The following PIK3R3 variants were observed in gnomAD, a reference collection of about 807,000 sequenced individuals.
The protein encoded by PIK3R3 is phosphatidylinositol 3-kinase regulatory subunit gamma.
In PIK3R3, 64 loss-of-function variants were observed where a neutral mutation model predicts 62.9. The observed-to-expected ratio is 1.02, with a 90% CI of 0.83 to 1.25. The LOEUF is 1.25. Among genes scored for constraint, PIK3R3 ranks in the 50% most tolerant of loss-of-function variants. The pLI, the probability that PIK3R3 is intolerant of heterozygous loss-of-function variation, is 0.00. For missense variants in PIK3R3, 614 were observed against 561.6 expected (o/e 1.09, Z -0.94); for synonymous variants, 165 against 189.0 (o/e 0.87, Z 1.04).
the PIK3R3 span, among the ~76,000 whole-genome samples, chr1:46,156,557 G>A: frequency 1.3e-5 from 2 of 151,958 alleles, no homozygotes; most frequent in African/African-American, 4.8e-5. Flanking sequence ...AGACATCTGT[G>A]GTGAAGTAGC....
In PIK3R3 at chr1:46,042,716, T is replaced by C; in HGVS notation, c.*957A>G. 9.5e-6 allele frequency: 2 copies of C among 209,432 alleles called. No homozygotes were observed. Among genetic ancestry groups the C allele is most frequent in the East Asian group, 1.4e-4 (2 of 13,832 alleles). 13.0% of individuals were successfully genotyped at this position (209,432 alleles called of 1,614,324 possible). A position where few individuals can be genotyped will look rare whatever the true frequency, so the allele number is the denominator to read the frequency against. Reference sequence around the variant, plus strand: ...CTGCATTGCACCTTTTCTTTACTCATACAAACAAGTTACAAAGGTTTCAAA... The same window carrying C: ...CTGCATTGCACCTTTTCTTTACTCACACAAACAAGTTACAAAGGTTTCAAA... On this transcript the variant is annotated 3_prime_UTR_variant, in exon 10 of 10. Transcript: ENST00000262741. The surrounding 1 kb of genome is among the most constrained non-coding windows in gnomAD (Gnocchi z 4.3).
chr1:46,138,634 G>C, the PIK3R3 span, among the ~76,000 whole-genome samples: 2 of 152,236 alleles, frequency 1.3e-5, no homozygotes, highest in Non-Finnish European at 2.9e-5. Context: ...CTCCCAGCCT[G>C]GGCACAGAGT....
At position 46,101,271 on chromosome 1, in the gene PIK3R3, G is replaced by A. The variant is rs144404603; in HGVS notation, c.107-20521C>T. Among the ~76,000 whole-genome samples the A allele has an allele frequency of 7.5e-3, 1,133 of 152,062 alleles. 18 individuals carry two copies. The highest frequency in any genetic ancestry group is 0.026 in the African/African-American group (1,069 of 41,462). On this transcript the variant is annotated intron_variant, in intron 1 of 9. Transcript: ENST00000262741. Reference sequence around the variant, plus strand: ...AGCACTTTGGGAGGCTGAGGTGGGCGGATCACAAGGTCAAGAGATGGAGAC... The same window carrying A: ...AGCACTTTGGGAGGCTGAGGTGGGCAGATCACAAGGTCAAGAGATGGAGAC...
rs555699766 is a variant in PIK3R3, at chr1:46,100,034, C to T, written c.107-19284G>A. Among the ~76,000 whole-genome samples, 8 of 152,238 alleles carry T rather than the reference C, an allele frequency of 5.3e-5. No individual in the cohort carries two copies. The South Asian group carries it at 6.2e-4, about 12-fold the overall frequency. On this transcript the variant is annotated intron_variant, in intron 1 of 9. Transcript: ENST00000262741. Reference sequence around the variant, plus strand: ...TATTATTACTGGTTGGTAAAATATTCTTCATATATCCTGATTATTAATCCT... The same window carrying T: ...TATTATTACTGGTTGGTAAAATATTTTTCATATATCCTGATTATTAATCCT...
chr1:46,132,951 C>T (rs1655758171), upstream of PIK3R3: 27 of 1,138,854 alleles, frequency 2.4e-5, no homozygotes, highest in Non-Finnish European at 3.0e-5. Flanking sequence ...CTCCAGGAGT[C>T]AGTGCCGGGA....
chr1:46,134,300 C>T (rs79588089), upstream of PIK3R3, among the ~76,000 whole-genome samples: 1,805 of 152,252 alleles, frequency 0.012, 30 homozygotes, highest in African/African-American at 0.038. Context: ...TTCTGCCTTC[C>T]TTAAAGATGC....
intron 6 of PIK3R3, 34 bp downstream of exon 6, chr1:46,061,895 C>T (rs745618630): frequency 6.3e-7 from 1 of 1,590,478 alleles, no homozygotes; most frequent in Non-Finnish European, 8.6e-7. Flanking sequence ...AATCCTGTCT[C>T]ACTGATGCCC....
rs1411612477 is a variant in PIK3R3 at position 46,062,055 on chromosome 1, C to G, written c.638G>C (p.Arg213Thr). Residue 213 changes from arginine (R) to threonine (T), a missense_variant, in exon 6 of 10, where the codon AGG becomes ACG. Coordinates refer to ENST00000262741, the MANE Select transcript of PIK3R3 (RefSeq NM_003629.4). The stretch of plus-strand genomic sequence containing the variant: ...TTCATTAAAAGCTTCTATTGCAGTC[C>G]TCTTCATCTGTATTTCCTACAGGAG... ...TRTSQEIQMK[R>T]TAIEAFNETI... 2 of 1,609,232 alleles carry G rather than the reference C, an allele frequency of 1.2e-6. No individual in the cohort carries two copies. The highest frequency in any genetic ancestry group is 1.7e-5 in the Admixed American group (1 of 59,280).
the PIK3R3 span, among the ~76,000 whole-genome samples, chr1:46,155,789 A>C: frequency 1.3e-5 from 2 of 152,058 alleles, no homozygotes; most frequent in Non-Finnish European, 2.9e-5. Flanking sequence ...TTTAATTGTT[A>C]TGGGTACATC....
chr1:46,144,896 G>A, the PIK3R3 span, among the ~76,000 whole-genome samples: 4 of 152,102 alleles, frequency 2.6e-5, no homozygotes, highest in East Asian at 5.8e-4. Flanking sequence ...AGGCTGAGGC[G>A]GGTAGATCAC....
chr1:46,115,283 G>A (rs1654090038), intron 1 of PIK3R3, among the ~76,000 whole-genome samples: 1 of 152,214 alleles, frequency 6.6e-6, no homozygotes, highest in Admixed American at 6.5e-5. Context: ...ATAAGCGTAT[G>A]TAATTCAAAT....
intron 7 of PIK3R3, among the ~76,000 whole-genome samples, chr1:46,054,528 G>A (rs961735505): frequency 2.0e-5 from 3 of 151,480 alleles, no homozygotes; most frequent in Non-Finnish European, 4.4e-5. Flanking sequence ...GAAGTCTATG[G>A]AAAACCCAGA....
Position 46,047,368 on chromosome 1 carries a change from G to T in PIK3R3, c.942-743C>A, listed in dbSNP as rs182664877. Among the ~76,000 whole-genome samples, 307 of 151,054 alleles carry T rather than the reference G, an allele frequency of 2.0e-3. 1 individual carries two copies. The highest frequency in any genetic ancestry group is 6.6e-3 in the African/African-American group (270 of 41,098). On this transcript the variant is annotated intron_variant, in intron 7 of 9. Coordinates refer to ENST00000262741, the MANE Select transcript of PIK3R3 (RefSeq NM_003629.4). ...CAGGAGAATTGCTTGAAACCAGGGG[G>T]TGGAGGCTGTAGTGAGCTGAGATTG...
At chr1:46,082,166 T>C (rs982548053) in intron 1 of PIK3R3, among the ~76,000 whole-genome samples, 2 of 152,030 alleles carry the variant, frequency 1.3e-5, no homozygotes, top group Non-Finnish European at 2.9e-5. Context: ...ATATTAGAAA[T>C]AATGGCAAAA....
In PIK3R3 at chr1:46,040,821, T is replaced by C. The variant is rs533715133; in HGVS notation, c.*2852A>G. The C allele has an allele frequency of 1.1e-5, 2 of 184,412 alleles. No individual in the cohort carries two copies. The highest frequency in any genetic ancestry group is 6.2e-5 in the Admixed American group (1 of 16,048). The allele number at this position is 184,412 out of a possible 1,614,324, so 11.4% of individuals were successfully genotyped here. On this transcript the variant is annotated 3_prime_UTR_variant, in exon 10 of 10. Transcript: ENST00000262741. ...TCAAGGCTTGGAGAGGGAGTGAAAGTGTTGGGAGGGCCTCATTCTTGGCCA... is the reference window on the plus strand; with the variant it reads ...TCAAGGCTTGGAGAGGGAGTGAAAGCGTTGGGAGGGCCTCATTCTTGGCCA...
In PIK3R3 at chr1:46,126,451, T is replaced by C. The variant is rs548391613; in HGVS notation, c.106+5396A>G. ...TACTCAGGTGGCTGAGGCAGGAGAA[T>C]TGCATGAGCCTGGGAGATGGAGGTT... is the stretch of plus-strand genomic sequence containing the variant. On this transcript the variant is annotated intron_variant, in intron 1 of 9. Coordinates refer to ENST00000262741, the MANE Select transcript of PIK3R3 (RefSeq NM_003629.4). Among the ~76,000 whole-genome samples, 3 of 151,782 alleles carry C rather than the reference T, an allele frequency of 2.0e-5. No individual in the cohort carries two copies. The South Asian group carries it at 6.3e-4, about 32-fold the overall frequency.
Position 46,071,712 on chromosome 1 carries a change from A to AAT in PIK3R3, c.315-4623_315-4622dup, listed in dbSNP as rs1553148027. Among the ~76,000 whole-genome samples the AAT allele has an allele frequency of 9.2e-3, 225 of 24,536 alleles. 10 individuals are homozygous for AAT. Among genetic ancestry groups the AAT allele is most frequent in the Middle Eastern group, 0.033 (1 of 30 alleles). The allele number at this position is 24,536 out of a possible 152,430, so 16.1% of individuals were successfully genotyped here. A position where few individuals can be genotyped will look rare whatever the true frequency, so the allele number is the denominator to read the frequency against. On this transcript the variant is annotated intron_variant, in intron 3 of 9. Transcript: ENST00000262741. ...CTCTGTCTCCAAAAAAAAAAAAAAA[A>AAT]ATATATATATATATATATAGAGAGA...
At chr1:46,139,681 C>T in the PIK3R3 span, among the ~76,000 whole-genome samples, 3 of 152,216 alleles carry the variant, frequency 2.0e-5, no homozygotes, top group African/African-American at 7.2e-5. Flanking sequence ...CCATCCTCCT[C>T]GTCTTTCCTC....
At chr1:46,148,775 A>G in the PIK3R3 span, among the ~76,000 whole-genome samples, 1 of 151,130 alleles carries the variant, frequency 6.6e-6, no homozygotes, top group South Asian at 2.1e-4. Context: ...AGAGAGAGAG[A>G]GACATGAAGA....
Sources: allele counts gnomAD v4.1 joint callset (sites outside exome capture counted in the v4.1 genomes callset), GRCh38; gene constraint gnomAD v4.1.1; non-coding constraint Gnocchi (gnomAD v3.1); transcripts MANE v1.5; gene names NCBI Gene and HGNC (gene_info 2026-07-23, HGNC 2026-07-21).